The following EEA1 variants were observed in gnomAD, a reference collection of about 807,000 sequenced individuals.
EEA1 encodes the protein early endosome antigen 1, also known as early endosome antigen 1, 162kD.
Under a neutral mutation model 209.2 loss-of-function variants are expected in EEA1, and 111 were observed. That is an observed-to-expected ratio of 0.53 (90% CI 0.45 to 0.62). The LOEUF (loss-of-function observed/expected upper bound fraction) is 0.62, where lower values mean the gene tolerates loss of function less well. EEA1 is among the 20% of genes least tolerant of loss of function. The pLI, the probability that EEA1 is intolerant of heterozygous loss-of-function variation, is 0.00. For synonymous variants in EEA1, 536 were observed against 540.6 expected (o/e 0.99, Z 0.12); for missense variants, 1,343 against 1,530.8 (o/e 0.88, Z 2.05).
intron 22 of EEA1, among the ~76,000 whole-genome samples, chr12:92,787,602 AAGAC>A (rs1874188236): frequency 6.6e-6 from 1 of 152,116 alleles, no homozygotes; most frequent in Non-Finnish European, 1.5e-5. Flanking sequence ...TTCACACACA[AAGAC>A]AGCATAATAC....
At position 92,774,217 on chromosome 12, in the gene EEA1, T is replaced by C. The variant is rs934667415; in HGVS notation, c.*1794A>G. The C allele has an allele frequency of 6.6e-5, 10 of 151,532 alleles. No homozygotes were observed. The highest frequency in any genetic ancestry group is 2.2e-4 in the African/African-American group (9 of 41,404). 9.4% of individuals were successfully genotyped at this position (151,532 alleles called of 1,614,324 possible). A position where few individuals can be genotyped will look rare whatever the true frequency, so the allele number is the denominator to read the frequency against. On this transcript the variant is annotated 3_prime_UTR_variant, in exon 29 of 29. Transcript: ENST00000322349. ...TATATTATCCAACTATTATTTTTAATAAAGAGCCACTGTATTTCTTCATTA... is the reference window on the plus strand; with the variant it reads ...TATATTATCCAACTATTATTTTTAACAAAGAGCCACTGTATTTCTTCATTA...
At chr12:92,892,179 C>T (rs1424151897) in intron 1 of EEA1, among the ~76,000 whole-genome samples, 2 of 152,074 alleles carry the variant, frequency 1.3e-5, no homozygotes, top group Non-Finnish European at 2.9e-5. Flanking sequence ...CAACCTCCAC[C>T]TCCCAGGCTC....
chr12:92,923,048 A>G (rs1390116574), intron 1 of EEA1, among the ~76,000 whole-genome samples: 1 of 151,302 alleles, frequency 6.6e-6, no homozygotes, highest in East Asian at 2.0e-4. Flanking sequence ...TACAGATTTG[A>G]TAACTTTAAA....
intron 18 of EEA1, among the ~76,000 whole-genome samples, chr12:92,807,736 G>GT (rs1875284342): frequency 6.6e-6 from 1 of 152,046 alleles, no homozygotes; most frequent in African/African-American, 2.4e-5. Flanking sequence ...AGATGTCTAT[G>GT]TTAAAAACCA....
intron 2 of EEA1, among the ~76,000 whole-genome samples, chr12:92,881,106 G>A (rs1425209907): frequency 2.0e-5 from 3 of 152,250 alleles, no homozygotes; most frequent in African/African-American, 7.2e-5. Context: ...AAATCTGACT[G>A]GCTTTTTAGA....
chr12:92,815,219 T>C (rs1875720675), intron 15 of EEA1, among the ~76,000 whole-genome samples: 1 of 151,912 alleles, frequency 6.6e-6, no homozygotes, highest in Non-Finnish European at 1.5e-5. Context: ...AACAAAAAAA[T>C]GGGCTGATCT....
intron 11 of EEA1, among the ~76,000 whole-genome samples, chr12:92,831,055 G>T (rs1423684422): frequency 6.6e-6 from 1 of 152,104 alleles, no homozygotes; most frequent in African/African-American, 2.4e-5. Context: ...ATTAGTATTA[G>T]CATATGTGAA....
chr12:92,909,754 C>T (rs958283945), intron 1 of EEA1, among the ~76,000 whole-genome samples: 1 of 152,168 alleles, frequency 6.6e-6, no homozygotes, highest in Admixed American at 6.5e-5. Context: ...TGGTGGCTGA[C>T]ACCTGTAATC....
chr12:92,808,184 T>A (rs966168596), intron 18 of EEA1, among the ~76,000 whole-genome samples: 1 of 152,156 alleles, frequency 6.6e-6, no homozygotes, highest in Non-Finnish European at 1.5e-5. Context: ...GGATACCATA[T>A]AGACACATAG....
intron 21 of EEA1, among the ~76,000 whole-genome samples, chr12:92,794,485 G>A (rs1874560583): frequency 6.6e-6 from 1 of 152,028 alleles, no homozygotes; most frequent in Non-Finnish European, 1.5e-5. Flanking sequence ...CAACCCAAAT[G>A]TCCATCGATG....
chr12:92,858,115 C>A, intron 3 of EEA1: 1 of 540,560 alleles, frequency 1.8e-6, no homozygotes, highest in South Asian at 2.0e-5. Flanking sequence ...ACTAGGTGTT[C>A]ATTGAGAAGG....
intron 11 of EEA1, among the ~76,000 whole-genome samples, chr12:92,829,596 T>C (rs1876511318): frequency 6.6e-6 from 1 of 151,690 alleles, no homozygotes. Flanking sequence ...CTGGGCAACA[T>C]GGTGAAACCC....
intron 21 of EEA1, among the ~76,000 whole-genome samples, chr12:92,791,191 G>A (rs1306599118): frequency 2.6e-5 from 4 of 152,154 alleles, no homozygotes; most frequent in African/African-American, 9.7e-5. Flanking sequence ...AAAGACCATT[G>A]ATGCTATGAA....
intron 21 of EEA1, among the ~76,000 whole-genome samples, chr12:92,791,747 T>A (rs1206305820): frequency 6.6e-6 from 1 of 152,186 alleles, no homozygotes; most frequent in Non-Finnish European, 1.5e-5. Context: ...ATCCAGGATC[T>A]GAACTCAGCT....
intron 10 of EEA1, chr12:92,835,507 G>T (rs956259200): frequency 8.9e-6 from 2 of 225,492 alleles, no homozygotes; most frequent in Non-Finnish European, 1.7e-5. Context: ...CACCTCCCGG[G>T]TTCACACCAT....
At chr12:92,805,377 C>A (rs1592711495) in intron 18 of EEA1, among the ~76,000 whole-genome samples, 1 of 151,908 alleles carries the variant, frequency 6.6e-6, no homozygotes, top group Admixed American at 6.6e-5. Context: ...GGATGAAAAC[C>A]ATGAAGGTGT....
Position 92,842,570 on chromosome 12 carries a change from G to T in EEA1, c.810C>A (p.Ser270Arg), listed in dbSNP as rs1190911300. Residue 270 changes from serine to arginine, a missense_variant, in exon 10 of 29, where the codon AGC becomes AGA. By Grantham distance (110) the Ser-to-Arg change is moderately radical (BLOSUM62 -1). Around this residue, in one of 3 missense-constraint regions of EEA1, gnomAD observed 1,307 missense variants for 1,465.5 expected, o/e 0.89. Coordinates refer to ENST00000322349, the MANE Select transcript of EEA1 (RefSeq NM_003566.4). ...SQYASSEATI[S>R]QLRSELAKGP... ...CTTTGGCAAGTTCACTCCTTAGCTG[G>T]CTTATTGTGGCCTAACAAAACAAAA... is the stretch of plus-strand genomic sequence containing the variant. 11 of 1,585,758 alleles carry T rather than the reference G, an allele frequency of 6.9e-6. No homozygotes were observed. The highest frequency in any genetic ancestry group is 8.6e-6 in the Non-Finnish European group (10 of 1,163,100).
At chr12:92,863,294 A>G (rs1321747661) in intron 3 of EEA1, among the ~76,000 whole-genome samples, 3 of 152,212 alleles carry the variant, frequency 2.0e-5, no homozygotes, top group African/African-American at 7.2e-5. Flanking sequence ...TGGCACTATG[A>G]CTACTTTATC....
intron 13 of EEA1, among the ~76,000 whole-genome samples, chr12:92,824,496 A>T (rs1876202261): frequency 6.6e-6 from 1 of 152,054 alleles, no homozygotes; most frequent in Admixed American, 6.5e-5. Flanking sequence ...GGAGGTTCTG[A>T]TCTCCTGTGA....
Sources: gnomAD v4.1 joint callset for allele counts (sites outside exome capture counted in the v4.1 genomes callset) on GRCh38, gnomAD v4.1.1 for gene constraint, gnomAD v4.1.1 regional missense constraint, MANE v1.5 for transcripts, NCBI Gene and HGNC (gene_info 2026-07-23, HGNC 2026-07-21) for gene names.